SPECC1: variants seen among roughly 807,000 people sequenced by gnomAD.
The protein encoded by SPECC1 is sperm antigen with calponin homology and coiled-coil domains 1, also known as cytospin-B.
Under a neutral mutation model 104.1 loss-of-function variants are expected in SPECC1, and 62 were observed. The ratio of observed to expected loss-of-function variants is 0.60; its 90% CI spans 0.49 to 0.74. The LOEUF (loss-of-function observed/expected upper bound fraction) is 0.74, where lower values mean the gene tolerates loss of function less well. SPECC1 is among the 30% of genes least tolerant of loss of function. SPECC1 has a pLI of 0.00. For missense variants in SPECC1, 1,306 were observed against 1,310.5 expected (o/e 1.00, Z 0.05); for synonymous variants, 513 against 501.6 (o/e 1.02, Z -0.30).
At chr17:20,010,713 G>T (rs977326602) in intron 1 of SPECC1, among the ~76,000 whole-genome samples, 5 of 152,022 alleles carry the variant, frequency 3.3e-5, no homozygotes, top group African/African-American at 1.2e-4. Context: ...TTTTTTCCTT[G>T]TCTTCCATAG....
chr17:20,312,302 C>A (rs1426961520), intron 14 of SPECC1, among the ~76,000 whole-genome samples: 1 of 152,226 alleles, frequency 6.6e-6, no homozygotes. Context: ...AAGATTGTTA[C>A]TAATGCAGCA....
At chr17:20,300,034 G>C (rs1016780395) in intron 13 of SPECC1, among the ~76,000 whole-genome samples, 15 of 152,242 alleles carry the variant, frequency 9.9e-5, no homozygotes, top group African/African-American at 3.6e-4. Context: ...ACTGAAGACT[G>C]AATTTTTAAT....
Position 20,245,920 on chromosome 17 carries a change from A to T in SPECC1, c.2352-6A>T. The T allele has an allele frequency of 1.2e-6, 2 of 1,614,014 alleles. No homozygotes were observed. The highest frequency in any genetic ancestry group is 2.7e-5 in the African/African-American group (2 of 75,002). ...TTTTCAATCTGATTTGCTCTTTGCC[A>T]TGCAGACCTGTGGATGAAGAGCCAG... is the stretch of plus-strand genomic sequence containing the variant. On this transcript the variant is annotated splice_polypyrimidine_tract_variant and splice_region_variant and intron_variant, in intron 7 of 14. Transcript: ENST00000395527.
At chr17:20,156,264 G>T (rs761004829) in intron 3 of SPECC1, 2 of 1,318,020 alleles carry the variant, frequency 1.5e-6, no homozygotes, top group Non-Finnish European at 1.9e-6. Context: ...GGGTCGCGCC[G>T]CAGCCGCAAC....
At chr17:20,153,361 T>C (rs996616539) in intron 3 of SPECC1, among the ~76,000 whole-genome samples, 2 of 152,222 alleles carry the variant, frequency 1.3e-5, no homozygotes, top group South Asian at 4.2e-4. Flanking sequence ...TATACTAAGC[T>C]TAGAAGGACT....
intron 9 of SPECC1, among the ~76,000 whole-genome samples, chr17:20,253,230 G>A (rs1235033182): frequency 1.3e-5 from 2 of 152,064 alleles, no homozygotes; most frequent in African/African-American, 2.4e-5. Flanking sequence ...TATTCACAAA[G>A]CCAATTAATA....
chr17:20,175,782 G>A (rs2034431359), intron 3 of SPECC1, among the ~76,000 whole-genome samples: 1 of 152,224 alleles, frequency 6.6e-6, no homozygotes, highest in African/African-American at 2.4e-5. Context: ...GTCCCTAGGG[G>A]GCCTGGGCCT....
chr17:20,191,730 T>C (rs1477865181), intron 3 of SPECC1, among the ~76,000 whole-genome samples: 14 of 152,026 alleles, frequency 9.2e-5, no homozygotes, highest in African/African-American at 1.4e-4. Flanking sequence ...CTCCTACTTA[T>C]GAGAAAGAAC....
At chr17:20,150,109 A>G (rs1422479238) in intron 3 of SPECC1, among the ~76,000 whole-genome samples, 5 of 151,504 alleles carry the variant, frequency 3.3e-5, no homozygotes, top group Non-Finnish European at 5.9e-5. Flanking sequence ...AGTAGCTGGG[A>G]CTACAGGCGC....
At chr17:20,118,003 A>G (rs907366033) in intron 3 of SPECC1, among the ~76,000 whole-genome samples, 1 of 151,928 alleles carries the variant, frequency 6.6e-6, no homozygotes, top group African/African-American at 2.4e-5. Flanking sequence ...TAGTTGGGAG[A>G]CAGAGGTGGG....
At chr17:20,210,283 G>A (rs1328743578) in intron 4 of SPECC1, among the ~76,000 whole-genome samples, 1 of 152,214 alleles carries the variant, frequency 6.6e-6, no homozygotes, top group East Asian at 1.9e-4. Flanking sequence ...CTGCCCTCCT[G>A]TCAGCGGCTT....
intron 13 of SPECC1, among the ~76,000 whole-genome samples, chr17:20,304,275 G>GC (rs2041689743): frequency 6.6e-6 from 1 of 152,092 alleles, no homozygotes; most frequent in South Asian, 2.1e-4. Flanking sequence ...GGGTGACAGG[G>GC]CGAGATTCCA....
chr17:20,179,583 G>C (rs918281165), intron 3 of SPECC1, among the ~76,000 whole-genome samples: 2 of 152,210 alleles, frequency 1.3e-5, no homozygotes, highest in Non-Finnish European at 2.9e-5. Context: ...GGGTTCAAAA[G>C]CTAGGTAGTC....
chr17:20,299,944 G>T (rs946974717), intron 13 of SPECC1, among the ~76,000 whole-genome samples: 51 of 152,300 alleles, frequency 3.3e-4, no homozygotes, highest in African/African-American at 1.2e-3. Context: ...TGGGATGATG[G>T]GAATGTTGTG....
At chr17:20,076,043 G>A (rs2046746532) in intron 1 of SPECC1, among the ~76,000 whole-genome samples, 1 of 152,124 alleles carries the variant, frequency 6.6e-6, no homozygotes. Context: ...CTCGTACCTA[G>A]GAATTCAAGG....
chr17:20,196,515 A>T (rs2036045583), intron 3 of SPECC1, among the ~76,000 whole-genome samples: 1 of 152,106 alleles, frequency 6.6e-6, no homozygotes. Context: ...CAACCTTTGA[A>T]TTGTGCAACA....
At chr17:20,217,213 C>T (rs1056166636) in intron 4 of SPECC1, among the ~76,000 whole-genome samples, 2 of 151,448 alleles carry the variant, frequency 1.3e-5, no homozygotes, top group African/African-American at 4.9e-5. Flanking sequence ...TATTATGTAG[C>T]AAGCCCTTGT....
At chr17:20,223,442 G>A (rs923128644) in intron 4 of SPECC1, among the ~76,000 whole-genome samples, 2 of 152,000 alleles carry the variant, frequency 1.3e-5, no homozygotes, top group South Asian at 2.1e-4. Context: ...TTGGGAGGCC[G>A]GAGTGGGCAG....
At chr17:20,100,500 T>G (rs556018547) in intron 2 of SPECC1, among the ~76,000 whole-genome samples, 14 of 152,160 alleles carry the variant, frequency 9.2e-5, no homozygotes, top group Non-Finnish European at 1.3e-4. Context: ...GACCACCACC[T>G]AGGTCCTACA....
Sources: allele counts gnomAD v4.1 joint callset (sites outside exome capture counted in the v4.1 genomes callset), GRCh38; gene constraint gnomAD v4.1.1; transcripts MANE v1.5; gene names NCBI Gene and HGNC (gene_info 2026-07-23, HGNC 2026-07-21).